Variants in DCC observed in about 807,000 individuals in gnomAD.
DCC encodes the protein netrin receptor DCC.
A neutral mutation model predicts 172.5 loss-of-function variants in DCC; 58 were observed. The ratio of observed to expected loss-of-function variants is 0.34; its 90% CI spans 0.27 to 0.42. DCC has a LOEUF of 0.42. Among genes scored for constraint, DCC ranks in the 10% least tolerant of loss-of-function variants. The probability of loss-of-function intolerance (pLI) is 1.00; values close to 1 mark genes in which losing one functional copy is unlikely to be tolerated. For missense variants in DCC, 1,740 were observed against 1,791.0 expected (o/e 0.97, Z 0.51); for synonymous variants, 709 against 644.5 (o/e 1.10, Z -1.52).
chr18:53,239,831 C>T (rs546958986), intron 12 of DCC, among the ~76,000 whole-genome samples: 7 of 151,882 alleles, frequency 4.6e-5, no homozygotes, highest in East Asian at 1.9e-4. Context: ...TTTTGAATAA[C>T]CAAGGGCTGA....
At chr18:53,201,744 CGTT>C (rs1476225885) in intron 9 of DCC, among the ~76,000 whole-genome samples, 1 of 152,096 alleles carries the variant, frequency 6.6e-6, no homozygotes, top group Non-Finnish European at 1.5e-5. Flanking sequence ...TAAGACTCCT[CGTT>C]GTTCAACTTT....
At chr18:53,507,042 C>G (rs2046188588) in intron 27 of DCC, among the ~76,000 whole-genome samples, 1 of 152,086 alleles carries the variant, frequency 6.6e-6, no homozygotes, top group Non-Finnish European at 1.5e-5. Flanking sequence ...ATTCTACAAC[C>G]TCAGTTACTA....
intron 12 of DCC, among the ~76,000 whole-genome samples, chr18:53,254,155 A>G (rs1455229322): frequency 2.0e-5 from 3 of 152,044 alleles, no homozygotes; most frequent in African/African-American, 4.8e-5. Flanking sequence ...TTATTTTTGT[A>G]TCAAGCAAAT....
intron 1 of DCC, among the ~76,000 whole-genome samples, chr18:52,696,068 C>T (rs1461180840): frequency 6.6e-6 from 1 of 152,082 alleles, no homozygotes; most frequent in African/African-American, 2.4e-5. Context: ...TTCAAACAAA[C>T]AAGAAATGAA....
At chr18:52,880,766 T>C (rs2039473897) in intron 2 of DCC, among the ~76,000 whole-genome samples, 1 of 152,220 alleles carries the variant, frequency 6.6e-6, no homozygotes, top group Admixed American at 6.5e-5. Context: ...CATCTGTTCT[T>C]GGACACTCAA....
At chr18:52,958,709 C>T (rs897921313) in intron 5 of DCC, among the ~76,000 whole-genome samples, 6 of 152,056 alleles carry the variant, frequency 3.9e-5, no homozygotes, top group African/African-American at 1.4e-4. Context: ...AAAGATAACT[C>T]ACCTGAGTGA....
intron 2 of DCC, among the ~76,000 whole-genome samples, chr18:52,835,840 A>G (rs1022784028): frequency 4.6e-5 from 7 of 152,228 alleles, no homozygotes; most frequent in African/African-American, 1.7e-4. Context: ...TAGGCATAAC[A>G]TTTAAAAATA....
At chr18:52,760,900 G>C (rs1268064546) in intron 2 of DCC, among the ~76,000 whole-genome samples, 2 of 152,112 alleles carry the variant, frequency 1.3e-5, no homozygotes, top group Non-Finnish European at 2.9e-5. Context: ...GTCATAAGCA[G>C]TATATATAGA....
intron 5 of DCC, among the ~76,000 whole-genome samples, chr18:52,965,679 G>A (rs1364943795): frequency 6.6e-6 from 1 of 152,018 alleles, no homozygotes; most frequent in Non-Finnish European, 1.5e-5. Context: ...AAGTTATTCT[G>A]AAAAGGACAC....
intron 1 of DCC, among the ~76,000 whole-genome samples, chr18:52,585,727 C>A (rs375666804): frequency 2.0e-5 from 3 of 152,184 alleles, no homozygotes. Flanking sequence ...CCTAATCATA[C>A]AATTCCCTAA....
chr18:53,039,167 A>C (rs1460482082), intron 5 of DCC, among the ~76,000 whole-genome samples: 1 of 151,990 alleles, frequency 6.6e-6, no homozygotes, highest in Non-Finnish European at 1.5e-5. Context: ...TCTTTTTCTC[A>C]GAGCCCACTG....
rs1039722681 is a variant in DCC, at chr18:53,531,802, G to C, written c.*1149G>C. ...CAAGCATTGGCCACCAGACCCTTTT[G>C]TTAAGGGAAACTTTTACACTACACC... On this transcript the variant is annotated 3_prime_UTR_variant, in exon 29 of 29. Coordinates refer to ENST00000442544, the MANE Select transcript of DCC (RefSeq NM_005215.4). 1 of 152,322 alleles carries C rather than the reference G, an allele frequency of 6.6e-6. No individual in the cohort carries two copies. The highest frequency in any genetic ancestry group is 2.4e-5 in the African/African-American group (1 of 41,574). 9.4% of individuals were successfully genotyped at this position (152,322 alleles called of 1,614,324 possible). A position where few individuals can be genotyped will look rare whatever the true frequency, so the allele number is the denominator to read the frequency against.
At chr18:53,374,466 A>G (rs1040734621) in intron 15 of DCC, among the ~76,000 whole-genome samples, 1 of 152,244 alleles carries the variant, frequency 6.6e-6, no homozygotes, top group East Asian at 1.9e-4. Context: ...TCTAACTGGC[A>G]TGCTGGGTGA....
intron 2 of DCC, among the ~76,000 whole-genome samples, chr18:52,884,163 C>A (rs887634154): frequency 4.6e-5 from 7 of 151,766 alleles, no homozygotes; most frequent in Admixed American, 2.0e-4. Context: ...GAGTTTGCTT[C>A]CTTGAGGTAG....
Position 52,417,277 on chromosome 18 carries a change from C to T in DCC, c.91+76399C>T, listed in dbSNP as rs1222941. Among the ~76,000 whole-genome samples the T allele has an allele frequency of 1.2e-3, 179 of 152,210 alleles. 2 individuals carry two copies. The highest frequency in any genetic ancestry group is 4.1e-3 in the African/African-American group (169 of 41,532). ...TGATGGGCTTCCCTTGTGGGTAACC[C>T]GACCTTTCTCTCTGGCTGCCCTTAA... On this transcript the variant is annotated intron_variant, in intron 1 of 28. Transcript: ENST00000442544.
chr18:53,337,655 A>C (rs1441874250), intron 14 of DCC, among the ~76,000 whole-genome samples: 1 of 152,234 alleles, frequency 6.6e-6, no homozygotes, highest in Non-Finnish European at 1.5e-5. Context: ...TGGGGGAAAA[A>C]AAAGCATCTT....
intron 1 of DCC, among the ~76,000 whole-genome samples, chr18:52,612,861 T>C (rs1020464700): frequency 6.6e-6 from 1 of 152,246 alleles, no homozygotes; most frequent in Non-Finnish European, 1.5e-5. Context: ...GACCAGCTGA[T>C]GACTGACCAC....
chr18:52,797,869 G>T (rs115646715), intron 2 of DCC, among the ~76,000 whole-genome samples: 2 of 152,212 alleles, frequency 1.3e-5, no homozygotes, highest in Non-Finnish European at 2.9e-5. Context: ...AATGGGAAAG[G>T]CTGGCTGGTT....
chr18:53,153,655 T>C (rs1331464657), intron 7 of DCC, among the ~76,000 whole-genome samples: 1 of 152,218 alleles, frequency 6.6e-6, no homozygotes, highest in Non-Finnish European at 1.5e-5. Flanking sequence ...TTTAATATTA[T>C]GTTACTTGGT....
Sources: gnomAD v4.1 joint callset for allele counts (sites outside exome capture counted in the v4.1 genomes callset) on GRCh38, gnomAD v4.1.1 for gene constraint, MANE v1.5 for transcripts, NCBI Gene and HGNC (gene_info 2026-07-23, HGNC 2026-07-21) for gene names.